The following CPEB2 variants were observed in gnomAD, a reference collection of about 807,000 sequenced individuals.
The protein encoded by CPEB2 is cytoplasmic polyadenylation element binding protein 2.
In CPEB2, 56 loss-of-function variants were observed where a neutral mutation model predicts 93.6. That is an observed-to-expected ratio of 0.60 (90% CI 0.48 to 0.75). The LOEUF (loss-of-function observed/expected upper bound fraction) is 0.75. Among genes scored for constraint, CPEB2 ranks in the 30% least tolerant of loss-of-function variants. CPEB2 has a pLI of 0.00. For synonymous variants in CPEB2, 764 were observed against 586.3 expected (o/e 1.30, Z -4.38); for missense variants, 1,579 against 1,395.1 (o/e 1.13, Z -2.10).
At chr4:15,031,644 CACTTAT>C (rs1035416189) in intron 4 of CPEB2, among the ~76,000 whole-genome samples, 15 of 152,126 alleles carry the variant, frequency 9.9e-5, no homozygotes, top group Admixed American at 6.5e-5. Flanking sequence ...CTTTTGATAA[CACTTAT>C]TTTACCTGTG....
Position 15,022,184 on chromosome 4 carries a change from C to T in CPEB2, c.2125+4906C>T, listed in dbSNP as rs184833934. Among the ~76,000 whole-genome samples, 191 of 152,072 alleles carry T rather than the reference C, an allele frequency of 1.3e-3. 1 individual carries two copies. The highest frequency in any genetic ancestry group is 9.7e-4 in the East Asian group (5 of 5,150). Reference sequence around the variant, plus strand: ...GGTGTAGTTCGTGTGGGGTGTAGAACACACCTGGAGAAACTCTGGTATAAG... The same window carrying T: ...GGTGTAGTTCGTGTGGGGTGTAGAATACACCTGGAGAAACTCTGGTATAAG... On this transcript the variant is annotated intron_variant, in intron 4 of 11. Transcript: ENST00000538197.
At chr4:15,044,087 ACTT>A (rs1727440311) in intron 6 of CPEB2, among the ~76,000 whole-genome samples, 1 of 152,244 alleles carries the variant, frequency 6.6e-6, no homozygotes, top group African/African-American at 2.4e-5. Flanking sequence ...TTGATAAATA[ACTT>A]CAATAATTGT....
intron 3 of CPEB2, among the ~76,000 whole-genome samples, chr4:15,009,411 G>T (rs973599318): frequency 6.6e-6 from 1 of 152,152 alleles, no homozygotes; most frequent in African/African-American, 2.4e-5. Flanking sequence ...TCCTGCCAGG[G>T]TCTTCACCTA....
Position 15,002,735 on chromosome 4 carries a change from C to T in CPEB2, c.62C>T (p.Pro21Leu), listed in dbSNP as rs1722116514. The stretch of plus-strand genomic sequence containing the variant: ...CCGCTCCGAAGTAGCAGTCCTGGGC[C>T]CCTGTTCTGCGGCGAGGCGTATGGT... Reference protein sequence around the residue: ...TAPLRSSSPGPLFCGEAYGPY... With the variant: ...TAPLRSSSPGLLFCGEAYGPY... Residue 21 changes from proline to leucine, a missense_variant, in exon 1 of 12, where the codon CCC becomes CTC. Physicochemically the swap from Pro to Leu is moderately conservative, Grantham distance 98. Transcript: ENST00000538197. 1 of 1,534,994 alleles carries T rather than the reference C, an allele frequency of 6.5e-7. No individual in the cohort carries two copies. The highest frequency in any genetic ancestry group is 1.4e-5 in the African/African-American group (1 of 72,990).
intron 4 of CPEB2, among the ~76,000 whole-genome samples, chr4:15,021,780 A>G (rs1724843414): frequency 6.6e-6 from 1 of 152,070 alleles, no homozygotes; most frequent in Admixed American, 6.6e-5. Flanking sequence ...TTTAAAACTT[A>G]TTTACTAAGT....
chr4:15,056,248 G>A (rs1188962415), intron 8 of CPEB2, among the ~76,000 whole-genome samples: 1 of 152,076 alleles, frequency 6.6e-6, no homozygotes, highest in Non-Finnish European at 1.5e-5. Flanking sequence ...ATTAATCTAA[G>A]GTATTGTATA....
intron 11 of CPEB2, among the ~76,000 whole-genome samples, chr4:15,063,103 A>G (rs1057330779): frequency 2.0e-5 from 3 of 152,100 alleles, no homozygotes; most frequent in East Asian, 1.9e-4. Context: ...TAGTAGATAG[A>G]AGATACAATT....
In CPEB2 at chr4:15,003,453, G is replaced by T; in HGVS notation, c.780G>T (p.Pro260=). ...APRQRPADLP[P]LPQLPPSPPA... is the part of the protein sequence containing the mutation. ...GGCAGCGTCCGGCAGACCTGCCCCCGCTCCCGCAGCTCCCTCCCTCGCCGC... is the reference window on the plus strand; with the variant it reads ...GGCAGCGTCCGGCAGACCTGCCCCCTCTCCCGCAGCTCCCTCCCTCGCCGC... Residue 260 remains proline, a synonymous_variant, in exon 1 of 12, where the codon CCG becomes CCT. Coordinates refer to ENST00000538197, the MANE Select transcript of CPEB2 (RefSeq NM_001177382.2). 1.5e-6 allele frequency: 2 copies of T among 1,363,304 alleles called. No homozygotes were observed. The highest frequency in any genetic ancestry group is 1.9e-6 in the Non-Finnish European group (2 of 1,067,484). The allele number at this position is 1,363,304 out of a possible 1,614,324, so 84.5% of individuals were successfully genotyped here.
chr4:15,060,099 G>T (rs1159483517), intron 10 of CPEB2, among the ~76,000 whole-genome samples: 3 of 152,118 alleles, frequency 2.0e-5, no homozygotes, highest in Admixed American at 1.3e-4. Flanking sequence ...GTAGGATCAG[G>T]GTGGTAGCAG....
chr4:15,014,902 C>T (rs887386191), intron 3 of CPEB2, among the ~76,000 whole-genome samples: 5 of 151,980 alleles, frequency 3.3e-5, no homozygotes, highest in Non-Finnish European at 5.9e-5. Context: ...CATTTTTGCC[C>T]ATATGGGCCA....
intron 5 of CPEB2, among the ~76,000 whole-genome samples, chr4:15,038,318 T>C (rs1726832525): frequency 6.6e-6 from 1 of 152,232 alleles, no homozygotes; most frequent in Non-Finnish European, 1.5e-5. Flanking sequence ...ATATCATTAA[T>C]TTTCTCAATA....
intron 7 of CPEB2, among the ~76,000 whole-genome samples, 174 bp downstream of exon 7, chr4:15,052,758 G>A (rs1174314663): frequency 6.6e-6 from 1 of 151,920 alleles, no homozygotes; most frequent in Non-Finnish European, 1.5e-5. Flanking sequence ...GAAAGTAGTT[G>A]AACAAAAGCT....
At chr4:15,061,552 GAGAA>G (rs1019206430) in intron 10 of CPEB2, among the ~76,000 whole-genome samples, 1 of 151,562 alleles carries the variant, frequency 6.6e-6, no homozygotes, top group African/African-American at 2.4e-5. Context: ...GTTGAATAAA[GAGAA>G]AGGGAGGAGA....
intron 10 of CPEB2, among the ~76,000 whole-genome samples, chr4:15,061,365 A>G (rs1230868881): frequency 6.6e-6 from 1 of 152,138 alleles, no homozygotes; most frequent in East Asian, 1.9e-4. Flanking sequence ...GAAATGTATC[A>G]GTGAGGTAGG....
rs540777480 is a variant in CPEB2, at chr4:15,057,211, A to G, written c.2462-1210A>G. On this transcript the variant is annotated intron_variant, in intron 8 of 11. Transcript: ENST00000538197. ...TCCAGCAGTGTAAAAAATCTAAGAC[A>G]TGTTTTTTAATCCTGTGTAATCTTA... Among the ~76,000 whole-genome samples, 94 of 152,286 alleles carry G rather than the reference A, an allele frequency of 6.2e-4. 1 individual carries two copies. The highest frequency in any genetic ancestry group is 1.2e-3 in the Non-Finnish European group (82 of 67,998).
At chr4:15,011,535 A>G (rs1180931455) in intron 3 of CPEB2, among the ~76,000 whole-genome samples, 2 of 152,192 alleles carry the variant, frequency 1.3e-5, no homozygotes, top group Non-Finnish European at 1.5e-5. Context: ...AGCCAGATCC[A>G]GCAATGTGCA....
chr4:15,003,811 G>A lies in CPEB2; in HGVS notation c.1138G>A (p.Gly380Ser). 2.0e-6 allele frequency: 2 copies of A among 991,056 alleles called. No individual in the cohort carries two copies. Among genetic ancestry groups the A allele is most frequent in the Non-Finnish European group, 2.6e-6 (2 of 781,590 alleles). 61.4% of individuals were successfully genotyped at this position (991,056 alleles called of 1,614,324 possible). A position where few individuals can be genotyped will look rare whatever the true frequency, so the allele number is the denominator to read the frequency against. The change falls in exon 1 of 12, where the codon GGC (glycine) becomes AGC (serine). Residue 380 changes from glycine to serine, a missense_variant. By Grantham distance (56) the Gly-to-Ser change is moderately conservative (BLOSUM62 0). Around this residue, in one of 2 missense-constraint regions of CPEB2, gnomAD observed 1,411 missense variants for 1,056.0 expected, o/e 1.34. Transcript: ENST00000538197. ...GTCGCCGCCGCCGCTGCCCGGCTTC[G>A]GCACCCCCTGGTCGGTGCAGACCGC... Reference protein sequence around the residue: ...SASPPPLPGFGTPWSVQTASP... With the variant: ...SASPPPLPGFSTPWSVQTASP...
chr4:15,065,512 C>T (rs536325135), intron 11 of CPEB2, among the ~76,000 whole-genome samples: 210 of 152,218 alleles, frequency 1.4e-3, no homozygotes, highest in Non-Finnish European at 2.6e-3. Flanking sequence ...ACAATTTAAG[C>T]CTCACAACTC....
intron 8 of CPEB2, among the ~76,000 whole-genome samples, chr4:15,056,323 A>G (rs563820372): frequency 2.2e-4 from 34 of 152,258 alleles, no homozygotes; most frequent in Middle Eastern, 3.4e-3. Flanking sequence ...TTAAAAAGGA[A>G]TTAGAAATTG....
Sources: allele counts gnomAD v4.1 joint callset (sites outside exome capture counted in the v4.1 genomes callset), GRCh38; gene constraint gnomAD v4.1.1; regional missense constraint gnomAD v4.1.1; transcripts MANE v1.5; gene names NCBI Gene and HGNC (gene_info 2026-07-23, HGNC 2026-07-21).